The following SPACA7 variants were observed in gnomAD, a reference collection of about 807,000 sequenced individuals.
The protein encoded by SPACA7 is sperm acrosome-associated protein 7.
A neutral mutation model predicts 26.3 loss-of-function variants in SPACA7; 19 were observed. The observed-to-expected ratio is 0.72, with a 90% CI of 0.50 to 1.06. SPACA7 has a LOEUF of 1.06. Ranked by LOEUF, SPACA7 falls within the 50% of genes least tolerant of loss-of-function variation. The probability of loss-of-function intolerance (pLI) is 0.00; values close to 1 mark genes in which losing one functional copy is unlikely to be tolerated. For synonymous variants in SPACA7, 84 were observed against 84.5 expected, an observed-to-expected ratio of 0.99 and a Z score of 0.04; for missense variants, 211 against 229.9, an observed-to-expected ratio of 0.92 and a Z score of 0.53.
Position 112,410,964 on chromosome 13 carries a change from C to T in SPACA7, c.445+9800C>T, listed in dbSNP as rs142513915. Among the ~76,000 whole-genome samples the T allele has an allele frequency of 1.3e-3, 201 of 152,190 alleles. 1 individual carries two copies. Among genetic ancestry groups the T allele is most frequent in the African/African-American group, 4.4e-3 (184 of 41,534 alleles). On this transcript the variant is annotated intron_variant, in intron 5 of 6. Transcript: ENST00000283550. ...GTCCATTTCTTTATTTTTAACCACTCAACATCACTTAAGTATACAGCATAT... is the reference window on the plus strand; with the variant it reads ...GTCCATTTCTTTATTTTTAACCACTTAACATCACTTAAGTATACAGCATAT...
chr13:112,432,494 A>G lies in SPACA7; in HGVS notation c.496A>G (p.Ile166Val), dbSNP rs763240770. 1 of 1,610,076 alleles carries G rather than the reference A, an allele frequency of 6.2e-7. No homozygotes were observed. The highest frequency in any genetic ancestry group is 8.5e-7 in the Non-Finnish European group (1 of 1,176,278). The stretch of plus-strand genomic sequence containing the variant: ...TGAAAATCTATCCATTCTGGACCAA[A>G]TCCTTCAAAATATTGGAAGATCTTC... ...QYENLSILDQILQNIGRSSGN... is the reference protein window; with the variant it reads ...QYENLSILDQVLQNIGRSSGN... The change falls in exon 6 of 7, where the codon ATC becomes GTC. Residue 166 changes from isoleucine (I) to valine (V), a missense_variant. Physicochemically the swap from Ile to Val is conservative, Grantham distance 29. Coordinates refer to ENST00000283550, the MANE Select transcript of SPACA7 (RefSeq NM_145248.5).
chr13:112,425,751 G>A (rs1876481298), intron 5 of SPACA7, among the ~76,000 whole-genome samples: 1 of 152,124 alleles, frequency 6.6e-6, no homozygotes, highest in Admixed American at 6.5e-5. Context: ...GAAAAGGATG[G>A]TGCAGCTCTG....
intron 5 of SPACA7, among the ~76,000 whole-genome samples, chr13:112,404,333 T>C (rs1480978834): frequency 6.6e-6 from 1 of 152,230 alleles, no homozygotes; most frequent in African/African-American, 2.4e-5. Context: ...TTATCAAATG[T>C]ATAGATTGTG....
intron 5 of SPACA7, among the ~76,000 whole-genome samples, chr13:112,409,531 C>A (rs1886209258): frequency 6.6e-6 from 1 of 151,702 alleles, no homozygotes; most frequent in Non-Finnish European, 1.5e-5. Flanking sequence ...AAAAAACAAA[C>A]AACCCCATCA....
At chr13:112,404,978 C>CTTTTTTTTTTTTT (rs373253878) in intron 5 of SPACA7, among the ~76,000 whole-genome samples, 2 of 94,266 alleles carry the variant, frequency 2.1e-5, no homozygotes, top group African/African-American at 4.4e-5. Flanking sequence ...GTATTCTCTT[C>CTTTTTTTTTTTTT]TTTTTTTTTT....
At chr13:112,413,614 T>G (rs1290669215) in intron 5 of SPACA7, among the ~76,000 whole-genome samples, 1 of 152,204 alleles carries the variant, frequency 6.6e-6, no homozygotes, top group African/African-American at 2.4e-5. Context: ...TGTACCTCAG[T>G]ATTCCTATAT....
chr13:112,402,269 T>C (rs1038794886), intron 5 of SPACA7, among the ~76,000 whole-genome samples: 1 of 152,232 alleles, frequency 6.6e-6, no homozygotes, highest in Admixed American at 6.5e-5. Context: ...ATGATAAGCT[T>C]ATTCCTAAGT....
At chr13:112,382,661 C>G (rs890317727) in intron 1 of SPACA7, among the ~76,000 whole-genome samples, 1 of 152,024 alleles carries the variant, frequency 6.6e-6, no homozygotes, top group African/African-American at 2.4e-5. Flanking sequence ...ATAATGAGTC[C>G]TAGGATAAGG....
At position 112,399,081 on chromosome 13, in the gene SPACA7, A is replaced by G. The variant is rs753118492; in HGVS notation, c.257A>G (p.Glu86Gly). The G allele has an allele frequency of 3.1e-6, 5 of 1,605,780 alleles. No individual in the cohort carries two copies. The highest frequency in any genetic ancestry group is 3.3e-4 in the Middle Eastern group (2 of 6,046). Residue 86 changes from glutamate (E) to glycine (G), a missense_variant, in exon 4 of 7, where the codon GAG becomes GGG. Glu to Gly is a moderately conservative substitution (Grantham distance 98). Coordinates refer to ENST00000283550, the MANE Select transcript of SPACA7 (RefSeq NM_145248.5). ...TTCATTGAAGATGCTGGTATTGATGAGAATTATCAAGCTGGTGGTTCTGAG... is the reference window on the plus strand; with the variant it reads ...TTCATTGAAGATGCTGGTATTGATGGGAATTATCAAGCTGGTGGTTCTGAG... ...LSTPLHAGIDENYQAGGSENY... is the reference protein window; with the variant it reads ...LSTPLHAGIDGNYQAGGSENY...
Position 112,414,657 on chromosome 13 carries a change from C to T in SPACA7, c.445+13493C>T, listed in dbSNP as rs539905734. Among the ~76,000 whole-genome samples the T allele has an allele frequency of 5.9e-5, 9 of 152,084 alleles. 1 individual carries two copies. Among genetic ancestry groups the T allele is most frequent in the Admixed American group, 5.2e-4 (8 of 15,280 alleles). ...AACTCCTGACGTCAAGTGATCTGCCCGTTCTTGGCTTCCCAAAGTGCTGGG... is the reference window on the plus strand; with the variant it reads ...AACTCCTGACGTCAAGTGATCTGCCTGTTCTTGGCTTCCCAAAGTGCTGGG... On this transcript the variant is annotated intron_variant, in intron 5 of 6. Coordinates refer to ENST00000283550, the MANE Select transcript of SPACA7 (RefSeq NM_145248.5).
chr13:112,419,790 G>A, intron 5 of SPACA7, among the ~76,000 whole-genome samples: 1 of 152,192 alleles, frequency 6.6e-6, no homozygotes, highest in East Asian at 1.9e-4. Context: ...GGACAAGTGA[G>A]AAATCCCCTG....
intron 5 of SPACA7, among the ~76,000 whole-genome samples, chr13:112,423,930 A>G (rs922006673): frequency 4.3e-4 from 65 of 152,346 alleles, no homozygotes; most frequent in African/African-American, 1.5e-3. Context: ...AAGCATGGCT[A>G]TCAATGTAGA....
chr13:112,411,897 A>G (rs1299356588), intron 5 of SPACA7, among the ~76,000 whole-genome samples: 1 of 152,146 alleles, frequency 6.6e-6, no homozygotes, highest in African/African-American at 2.4e-5. Flanking sequence ...TAGAACTGCA[A>G]TGGCCATGGG....
chr13:112,434,491 T>G lies in SPACA7; in HGVS notation c.530T>G (p.Ile177Ser), dbSNP rs529202059. The stretch of plus-strand genomic sequence containing the variant: ...ATCTCCTCTTTCCACACAGGAAACA[T>G]TTTCCATAAAGAGCAGCAGAGGACC... ...LQNIGRSSGN[I>S]FHKEQQRTSA... The change falls in exon 7 of 7, where the codon ATT becomes AGT. Residue 177 changes from isoleucine (I) to serine (S), a missense_variant. Transcript: ENST00000283550. 300 of 1,609,348 alleles carry G rather than the reference T, an allele frequency of 1.9e-4. No individual in the cohort carries two copies. The highest frequency in any genetic ancestry group is 2.4e-4 in the Non-Finnish European group (287 of 1,177,968).
intron 5 of SPACA7, among the ~76,000 whole-genome samples, chr13:112,428,951 T>C (rs1164481780): frequency 6.6e-6 from 1 of 152,238 alleles, no homozygotes; most frequent in Non-Finnish European, 1.5e-5. Flanking sequence ...ACTGTTGAAA[T>C]CTCAAACCAT....
At chr13:112,391,560 T>C (rs1316004943) in intron 1 of SPACA7, among the ~76,000 whole-genome samples, 1 of 152,302 alleles carries the variant, frequency 6.6e-6, no homozygotes, top group Admixed American at 6.5e-5. Context: ...AGTGGATTCT[T>C]ACAATTACAT....
At chr13:112,415,860 C>G (rs1361140940) in intron 5 of SPACA7, among the ~76,000 whole-genome samples, 1 of 152,062 alleles carries the variant, frequency 6.6e-6, no homozygotes. Context: ...AGCGATTCTC[C>G]TCTGGCCTGG....
intron 5 of SPACA7, among the ~76,000 whole-genome samples, chr13:112,424,545 C>A (rs550728902): frequency 4.6e-5 from 7 of 152,242 alleles, no homozygotes; most frequent in African/African-American, 1.7e-4. Flanking sequence ...AAAGAAAAAT[C>A]CATCCTGAAA....
intron 5 of SPACA7, among the ~76,000 whole-genome samples, chr13:112,419,186 C>T (rs776754238): frequency 1.3e-5 from 2 of 152,174 alleles, no homozygotes; most frequent in Non-Finnish European, 2.9e-5. Flanking sequence ...AGAGCTGGAA[C>T]ACATGAGCTT....
Sources: gnomAD v4.1 joint callset for allele counts (sites outside exome capture counted in the v4.1 genomes callset) on GRCh38, gnomAD v4.1.1 for gene constraint, MANE v1.5 for transcripts, NCBI Gene and HGNC (gene_info 2026-07-23, HGNC 2026-07-21) for gene names.